CTNNA3: variants seen among roughly 807,000 people sequenced by gnomAD.
CTNNA3 encodes the protein catenin alpha-3.
CTNNA3 carries 76 observed loss-of-function variants against 95.7 expected under a neutral mutation model. The observed-to-expected ratio is 0.79, with a 90% CI of 0.66 to 0.96. The LOEUF (loss-of-function observed/expected upper bound fraction) is 0.96, where lower values mean the gene tolerates loss of function less well. Ranked by LOEUF, CTNNA3 falls within the 40% of genes least tolerant of loss-of-function variation. The pLI is 0.00. For synonymous variants in CTNNA3, 431 were observed against 374.4 expected, an observed-to-expected ratio of 1.15 and a Z score of -1.74; for missense variants, 1,191 against 1,089.8, an observed-to-expected ratio of 1.09 and a Z score of -1.31.
At chr10:66,874,558 T>C (rs1042234714) in intron 7 of CTNNA3, among the ~76,000 whole-genome samples, 1 of 152,194 alleles carries the variant, frequency 6.6e-6, no homozygotes, top group African/African-American at 2.4e-5. Context: ...TTTAAACATG[T>C]ATACATAAAT....
chr10:67,381,077 A>G (rs1843927088), intron 5 of CTNNA3, among the ~76,000 whole-genome samples: 1 of 152,170 alleles, frequency 6.6e-6, no homozygotes, highest in Admixed American at 6.5e-5. Flanking sequence ...CCATTTTATG[A>G]AACAATTCCC....
At chr10:67,096,209 A>AT (rs1000690165) in intron 7 of CTNNA3, among the ~76,000 whole-genome samples, 5 of 151,746 alleles carry the variant, frequency 3.3e-5, no homozygotes, top group East Asian at 1.9e-4. Context: ...TTTATTTTTT[A>AT]TTTTTTTGAT....
At chr10:67,319,894 C>T in intron 5 of CTNNA3, among the ~76,000 whole-genome samples, 1 of 52,686 alleles carries the variant, frequency 1.9e-5, no homozygotes. Context: ...GAGACTCAGT[C>T]TCAAAAAAAA....
intron 7 of CTNNA3, among the ~76,000 whole-genome samples, chr10:66,994,710 G>A (rs1351519817): frequency 6.6e-6 from 1 of 152,130 alleles, no homozygotes; most frequent in East Asian, 1.9e-4. Flanking sequence ...TTAAGATAAG[G>A]AATAGCTTGA....
At chr10:66,546,504 T>A (rs962361838) in intron 10 of CTNNA3, among the ~76,000 whole-genome samples, 3 of 152,158 alleles carry the variant, frequency 2.0e-5, no homozygotes, top group Admixed American at 6.5e-5. Flanking sequence ...ACTGGGTAAT[T>A]TATAAAGGAA....
intron 1 of CTNNA3, among the ~76,000 whole-genome samples, chr10:67,720,944 A>T (rs553590496): frequency 6.6e-6 from 1 of 151,806 alleles, no homozygotes; most frequent in Non-Finnish European, 1.5e-5. Flanking sequence ...ACAGAGTGAG[A>T]CTCCGTCTCA....
intron 10 of CTNNA3, among the ~76,000 whole-genome samples, chr10:66,542,537 C>G (rs1841892203): frequency 6.6e-6 from 1 of 152,068 alleles, no homozygotes; most frequent in Non-Finnish European, 1.5e-5. Context: ...GGCACATATA[C>G]ACCATGGAAT....
At position 67,481,745 on chromosome 10, in the gene CTNNA3, T is replaced by G. The variant is rs1028318409; in HGVS notation, c.579+40097A>C. ...GTTTTTTTGCTGTGCAGAAGCTCTT[T>G]AGTTTACTTAGATCCCATTTGTCAA... On this transcript the variant is annotated intron_variant, in intron 5 of 17. Coordinates refer to ENST00000433211, the MANE Select transcript of CTNNA3 (RefSeq NM_013266.4). Among the ~76,000 whole-genome samples, 5 of 152,334 alleles carry G rather than the reference T, an allele frequency of 3.3e-5. No homozygotes were observed. The East Asian group carries it at 5.8e-4, about 18-fold the overall frequency.
chr10:65,946,390 G>C (rs1287324451), intron 17 of CTNNA3, among the ~76,000 whole-genome samples: 1 of 151,920 alleles, frequency 6.6e-6, no homozygotes. Context: ...ATGAAACCTA[G>C]TTATATCACT....
chr10:66,306,123 A>G (rs926760959), intron 12 of CTNNA3, among the ~76,000 whole-genome samples: 4 of 152,242 alleles, frequency 2.6e-5, no homozygotes, highest in Admixed American at 6.5e-5. Flanking sequence ...CCAGATTTTA[A>G]GCAATACATA....
At chr10:67,282,018 T>C (rs79250674) in intron 5 of CTNNA3, among the ~76,000 whole-genome samples, 3,216 of 152,234 alleles carry the variant, frequency 0.021, 120 homozygotes, top group African/African-American at 0.072. Flanking sequence ...TTGTGGCCAA[T>C]AGAAAACTGT....
At chr10:67,118,977 T>C (rs969806240) in intron 7 of CTNNA3, among the ~76,000 whole-genome samples, 4 of 151,962 alleles carry the variant, frequency 2.6e-5, no homozygotes, top group African/African-American at 9.7e-5. Flanking sequence ...TTTTCTCATA[T>C]GAAATATAAC....
At chr10:66,612,985 G>C (rs1193287255) in intron 10 of CTNNA3, among the ~76,000 whole-genome samples, 1 of 151,866 alleles carries the variant, frequency 6.6e-6, no homozygotes, top group Non-Finnish European at 1.5e-5. Flanking sequence ...TGTCAGCAAG[G>C]CTCTACCTTT....
chr10:66,747,419 T>C (rs1330975931), intron 9 of CTNNA3, among the ~76,000 whole-genome samples: 1 of 152,212 alleles, frequency 6.6e-6, no homozygotes, highest in Non-Finnish European at 1.5e-5. Context: ...TTGAGACCTG[T>C]CTAGCTCCGG....
chr10:67,209,609 C>T (rs534953067), intron 6 of CTNNA3, among the ~76,000 whole-genome samples: 1 of 151,700 alleles, frequency 6.6e-6, no homozygotes, highest in African/African-American at 2.4e-5. Context: ...TTCAGTGTTC[C>T]CCCAAAAAAA....
At chr10:67,124,333 GGTGTGT>G (rs141981196) in intron 7 of CTNNA3, among the ~76,000 whole-genome samples, 3,068 of 141,802 alleles carry the variant, frequency 0.022, 92 homozygotes, top group East Asian at 0.14. Context: ...GTGTGTTAGC[GGTGTGT>G]GTGTGTGTGT....
At chr10:66,620,492 A>G (rs1375736063) in intron 10 of CTNNA3, among the ~76,000 whole-genome samples, 1 of 152,208 alleles carries the variant, frequency 6.6e-6, no homozygotes, top group African/African-American at 2.4e-5. Context: ...AATGAGAGAT[A>G]CTTAATCCTC....
chr10:67,094,327 C>A (rs1013352658), intron 7 of CTNNA3, among the ~76,000 whole-genome samples: 9 of 151,726 alleles, frequency 5.9e-5, no homozygotes, highest in African/African-American at 2.2e-4. Context: ...ATAGCATAGC[C>A]TTTTAATGTC....
chr10:67,460,564 C>T (rs1376316519), intron 5 of CTNNA3, among the ~76,000 whole-genome samples: 5 of 152,090 alleles, frequency 3.3e-5, no homozygotes, highest in Admixed American at 6.6e-5. Flanking sequence ...TATTTCAAAA[C>T]GAAACAGCAT....
Sources: gnomAD v4.1 joint callset for allele counts (sites outside exome capture counted in the v4.1 genomes callset) on GRCh38, gnomAD v4.1.1 for gene constraint, MANE v1.5 for transcripts, NCBI Gene and HGNC (gene_info 2026-07-23, HGNC 2026-07-21) for gene names.